Variants in GIT2 observed in about 807,000 individuals in gnomAD.
GIT2 encodes the protein ARF GTPase-activating protein GIT2.
A neutral mutation model predicts 100.3 loss-of-function variants in GIT2; 32 were observed. The ratio of observed to expected loss-of-function variants is 0.32; its 90% CI spans 0.24 to 0.43. The LOEUF (loss-of-function observed/expected upper bound fraction) is 0.43, where lower values mean the gene tolerates loss of function less well. GIT2 is among the 20% of genes least tolerant of loss of function. The pLI is 1.00. For missense variants in GIT2, 737 were observed against 975.1 expected (o/e 0.76, Z 3.25); for synonymous variants, 353 against 364.1 (o/e 0.97, Z 0.35).
intron 8 of GIT2, among the ~76,000 whole-genome samples, chr12:109,966,468 C>T (rs375481327): frequency 1.4e-4 from 19 of 132,654 alleles, no homozygotes; most frequent in East Asian, 4.3e-4. Context: ...TAGACTGCAC[C>T]ATTGCACTCC....
chr12:109,946,533 A>C (rs571910738), intron 15 of GIT2, among the ~76,000 whole-genome samples: 3 of 152,266 alleles, frequency 2.0e-5, no homozygotes, highest in Non-Finnish European at 4.4e-5. Flanking sequence ...TGAAAACCTT[A>C]TAACACAGTA....
intron 10 of GIT2, 60 bp from the exon 11 acceptor site, chr12:109,961,435 G>A (rs757641015): frequency 6.9e-5 from 78 of 1,126,102 alleles, no homozygotes; most frequent in Non-Finnish European, 9.8e-5. Flanking sequence ...CTGCTCCTGG[G>A]AGGCACAGCT....
intron 16 of GIT2, among the ~76,000 whole-genome samples, chr12:109,943,987 C>A (rs1280084635): frequency 6.6e-6 from 1 of 152,138 alleles, no homozygotes; most frequent in East Asian, 1.9e-4. Flanking sequence ...GCTGAGAATT[C>A]TTAATAGACT....
chr12:109,960,381 T>C (rs1880741467), intron 11 of GIT2, among the ~76,000 whole-genome samples: 1 of 152,128 alleles, frequency 6.6e-6, no homozygotes, highest in African/African-American at 2.4e-5. Flanking sequence ...CCCAGAACCT[T>C]GGGAGGCTGA....
upstream of GIT2, chr12:109,997,276 G>A (rs1889578150): frequency 6.6e-6 from 1 of 151,870 alleles, no homozygotes; most frequent in Non-Finnish European, 1.5e-5. Flanking sequence ...ATACTCAGGA[G>A]GCTGAGGCAT....
Position 109,947,845 on chromosome 12 carries a change from G to T in GIT2, c.1393-341C>A. On this transcript the variant is annotated intron_variant, in intron 14 of 19. Transcript: ENST00000355312. The surrounding 1 kb of genome is among the most constrained non-coding windows in gnomAD (Gnocchi z 4.3). ...AAGCTGTACACTGGATTATTACTAA[G>T]GCTGTTTCAAGCAAGAGTTCGAGAT... 4.6e-6 allele frequency: 1 copy of T among 215,656 alleles called. No individual in the cohort carries two copies. The highest frequency in any genetic ancestry group is 9.3e-6 in the Non-Finnish European group (1 of 107,360). 13.4% of individuals were successfully genotyped at this position (215,656 alleles called of 1,614,324 possible).
chr12:109,940,527 A>G (rs1874354761), intron 16 of GIT2: 2 of 152,174 alleles, frequency 1.3e-5, no homozygotes, highest in African/African-American at 2.4e-5. Context: ...TTGTTTAAAC[A>G]TATGGAAACC....
chr12:109,993,390 C>T (rs554295048), intron 1 of GIT2, among the ~76,000 whole-genome samples: 1 of 152,246 alleles, frequency 6.6e-6, no homozygotes, highest in South Asian at 2.1e-4. Flanking sequence ...TTATTCAAAC[C>T]CTTTCAAACC....
rs558278313 is a variant in GIT2 at position 109,973,331 on chromosome 12, G to C, written c.719-5828C>G. On this transcript the variant is annotated intron_variant, in intron 7 of 19. Transcript: ENST00000355312. ...AATTTTTGTATTTTTAGTAGAGACGGAGTTTCACCATGTTGGCCAGGCTGG... is the reference window on the plus strand; with the variant it reads ...AATTTTTGTATTTTTAGTAGAGACGCAGTTTCACCATGTTGGCCAGGCTGG... Among the ~76,000 whole-genome samples, 9 of 152,000 alleles carry C rather than the reference G, an allele frequency of 5.9e-5. 1 individual carries two copies. In the South Asian group the frequency reaches 1.7e-3, roughly 28 times the overall value.
chr12:109,986,746 C>T (rs1887462393), intron 4 of GIT2, among the ~76,000 whole-genome samples: 1 of 151,542 alleles, frequency 6.6e-6, no homozygotes, highest in Non-Finnish European at 1.5e-5. Context: ...GCCTGGGCCA[C>T]AGAGCAAGAC....
At chr12:109,967,567 T>C (rs1882809751) in intron 7 of GIT2, 64 bp from the exon 8 acceptor site, 8 of 1,055,210 alleles carry the variant, frequency 7.6e-6, no homozygotes, top group Non-Finnish European at 1.2e-5. Context: ...TAAAGGAACA[T>C]CACCATTATT....
In GIT2 at chr12:109,983,640, A is replaced by G; in HGVS notation, c.460T>C (p.Ser154Pro). ...AAGAAGTTGGCTTGTGCTCCTAAAG[A>G]TAACAGTCTCAAACAGGTTTCAAGA... The part of the protein sequence containing the change: ...GNLETCLRLL[S>P]LGAQANFFHP... The change falls in exon 5 of 20, where the codon TCT becomes CCT. Residue 154 changes from serine to proline, a missense_variant. Coordinates refer to ENST00000355312, the MANE Select transcript of GIT2 (RefSeq NM_057169.5). The G allele has an allele frequency of 6.2e-7, 1 of 1,613,234 alleles. No homozygotes were observed. Among genetic ancestry groups the G allele is most frequent in the Non-Finnish European group, 8.5e-7 (1 of 1,179,238 alleles).
chr12:109,993,470 G>C (rs1275340401), intron 1 of GIT2, among the ~76,000 whole-genome samples: 1 of 152,164 alleles, frequency 6.6e-6, no homozygotes, highest in South Asian at 2.1e-4. Context: ...GTGGTTAAGA[G>C]GGTTGGCTCT....
chr12:109,983,761 T>TG, intron 4 of GIT2, 67 bp from the exon 5 acceptor site: 1 of 941,908 alleles, frequency 1.1e-6, no homozygotes, highest in South Asian at 1.4e-5. Flanking sequence ...CTAGGGCAGC[T>TG]GATAGACCAT....
intron 1 of GIT2, among the ~76,000 whole-genome samples, chr12:109,994,268 A>C (rs1888939954): frequency 6.6e-6 from 1 of 152,198 alleles, no homozygotes; most frequent in Non-Finnish European, 1.5e-5. Flanking sequence ...TAGTAAAATA[A>C]AAATGTTTGT....
rs755591689 is a variant in GIT2 at position 109,939,198 on chromosome 12, T to C, written c.1781A>G (p.Asn594Ser). 1.9e-6 allele frequency: 3 copies of C among 1,611,452 alleles called. No homozygotes were observed. The highest frequency in any genetic ancestry group is 2.7e-5 in the African/African-American group (2 of 74,856). ...ATCTGGCTCCATGTCGTTGGGAGTG[T>C]TGTCGTAGTCACTCTCAGGTGTGCT... ...QNSTPESDYDNTPNDMEPDGM... is the reference protein window; with the variant it reads ...QNSTPESDYDSTPNDMEPDGM... The change falls in exon 17 of 20, where the codon AAC becomes AGC. Residue 594 changes from asparagine to serine, a missense_variant. Coordinates refer to ENST00000355312, the MANE Select transcript of GIT2 (RefSeq NM_057169.5).
rs2136235520 is a variant in GIT2 at position 109,947,333 on chromosome 12, G to A, written c.1564C>T (p.Gln522Ter). 6.2e-7 allele frequency: 1 copy of A among 1,614,078 alleles called. No homozygotes were observed. Among genetic ancestry groups the A allele is most frequent in the Non-Finnish European group, 8.5e-7 (1 of 1,179,922 alleles). Residue 522 changes from glutamine (Q) to a stop codon, truncating the protein, a stop_gained, in exon 15 of 20, where the codon CAG becomes TAG. Transcript: ENST00000355312. LOFTEE classifies it high-confidence loss of function. The surrounding 1 kb of genome is among the most constrained non-coding windows in gnomAD (Gnocchi z 4.3). ...TCTCCCATTGGGAGATATGGTTTCT[G>A]ACCTGATCCGGTCTCGTACATGGAC... ...PMSMYETGSG[Q>*]KPYLPMGEAS...
At chr12:109,982,407 G>A (rs762560463) in intron 6 of GIT2, 1 of 152,160 alleles carries the variant, frequency 6.6e-6, no homozygotes, top group South Asian at 2.1e-4. Context: ...AGGCATTTAT[G>A]AATCATCTTT....
rs1377263714 is a variant in GIT2, at chr12:109,948,183, A to T, written c.1393-679T>A. On this transcript the variant is annotated intron_variant, in intron 14 of 19. Coordinates refer to ENST00000355312, the MANE Select transcript of GIT2 (RefSeq NM_057169.5). The surrounding 1 kb of genome is among the most constrained non-coding windows in gnomAD (Gnocchi z 4.3). ...GGTAAGTTTGCTATATTAACATATC[A>T]CGAAGAAAACTGGAAACCTATTGAT... The T allele has an allele frequency of 1.0e-6, 1 of 982,396 alleles. No individual in the cohort carries two copies. Among genetic ancestry groups the T allele is most frequent in the Non-Finnish European group, 1.2e-6 (1 of 827,360 alleles). 60.9% of individuals were successfully genotyped at this position (982,396 alleles called of 1,614,324 possible). A position where few individuals can be genotyped will look rare whatever the true frequency, so the allele number is the denominator to read the frequency against.
Sources: allele counts gnomAD v4.1 joint callset (sites outside exome capture counted in the v4.1 genomes callset), GRCh38; gene constraint gnomAD v4.1.1; non-coding constraint Gnocchi (gnomAD v3.1); transcripts MANE v1.5; gene names NCBI Gene and HGNC (gene_info 2026-07-23, HGNC 2026-07-21).